SLC38A12: variants seen among roughly 807,000 people sequenced by gnomAD.
SLC38A12 encodes solute carrier family 38 member 12.
chr17:74,838,077 C>G, the SLC38A12 span: 1 of 985,896 alleles, frequency 1.0e-6, no homozygotes, highest in Non-Finnish European at 1.2e-6. Context: ...GTCTCAGGGT[C>G]AGGGGTGGGA....
At chr17:74,812,815 G>A in the SLC38A12 span, among the ~76,000 whole-genome samples, 1 of 152,086 alleles carries the variant, frequency 6.6e-6, no homozygotes, top group Non-Finnish European at 1.5e-5. Flanking sequence ...CCTTAACAGA[G>A]AAATCCCCAT....
chr17:74,816,849 G>T, the SLC38A12 span, among the ~76,000 whole-genome samples: 3 of 152,034 alleles, frequency 2.0e-5, no homozygotes, highest in African/African-American at 4.8e-5. Context: ...ATGTCATATG[G>T]GCTAGACTGG....
chr17:74,796,042 G>A, the SLC38A12 span, among the ~76,000 whole-genome samples: 2 of 152,138 alleles, frequency 1.3e-5, no homozygotes, highest in Non-Finnish European at 2.9e-5. Flanking sequence ...GCTGGGTCTG[G>A]CCGTAAGCAT....
At chr17:74,838,232 C>T in the SLC38A12 span, 7 of 985,704 alleles carry the variant, frequency 7.1e-6, no homozygotes, top group African/African-American at 7.0e-5. Context: ...CTTGTCCCCA[C>T]GTGTCACTTT....
At chr17:74,828,505 G>T in the SLC38A12 span, among the ~76,000 whole-genome samples, 1 of 152,204 alleles carries the variant, frequency 6.6e-6, no homozygotes, top group Admixed American at 6.5e-5. Flanking sequence ...TGTAGAAGGG[G>T]ATGAGCGGGC....
chr17:74,804,920 C>T, the SLC38A12 span, among the ~76,000 whole-genome samples: 1 of 152,204 alleles, frequency 6.6e-6, no homozygotes, highest in African/African-American at 2.4e-5. Flanking sequence ...GGTCCCTTTC[C>T]CCTGGATCAG....
At chr17:74,803,323 G>A in the SLC38A12 span, among the ~76,000 whole-genome samples, 2 of 152,170 alleles carry the variant, frequency 1.3e-5, no homozygotes, top group Non-Finnish European at 2.9e-5. Context: ...AGGGCTTGGG[G>A]TGGACATCAT....
chr17:74,782,490 A>G, the SLC38A12 span, among the ~76,000 whole-genome samples: 1 of 152,198 alleles, frequency 6.6e-6, no homozygotes, highest in Non-Finnish European at 1.5e-5. Flanking sequence ...GGTCTGTAGA[A>G]GGCTCTTGTT....
At chr17:74,814,841 A>G in the SLC38A12 span, among the ~76,000 whole-genome samples, 1 of 152,098 alleles carries the variant, frequency 6.6e-6, no homozygotes, top group African/African-American at 2.4e-5. Context: ...AGGGGGTTAC[A>G]CTCTGCTGGG....
chr17:74,822,397 G>T, the SLC38A12 span, among the ~76,000 whole-genome samples: 1 of 152,252 alleles, frequency 6.6e-6, no homozygotes, highest in Non-Finnish European at 1.5e-5. Context: ...GGGCCCTGCA[G>T]TGCTGCGGAG....
the SLC38A12 span, among the ~76,000 whole-genome samples, chr17:74,799,289 C>A: frequency 6.6e-6 from 1 of 152,250 alleles, no homozygotes; most frequent in African/African-American, 2.4e-5. Flanking sequence ...GCCCGGCAGG[C>A]CCCGGCCGAA....
At chr17:74,811,835 C>G in the SLC38A12 span, among the ~76,000 whole-genome samples, 28 of 152,016 alleles carry the variant, frequency 1.8e-4, no homozygotes, top group African/African-American at 6.5e-4. Context: ...AGTTTGAGAC[C>G]AGCCTGGACA....
chr17:74,789,088 T>C, the SLC38A12 span, among the ~76,000 whole-genome samples: 1 of 152,158 alleles, frequency 6.6e-6, no homozygotes, highest in South Asian at 2.1e-4. Flanking sequence ...CAGGCCCTCC[T>C]ACCCACACCC....
chr17:74,827,736 C>T, the SLC38A12 span, among the ~76,000 whole-genome samples: 10 of 152,354 alleles, frequency 6.6e-5, no homozygotes, highest in African/African-American at 2.4e-4. This position sits in a 1 kb window ranked among gnomAD's most constrained non-coding sequence, Gnocchi z 4.7. Flanking sequence ...CTCTAGGCTG[C>T]AGGATCCTTG....
At chr17:74,805,612 C>A in the SLC38A12 span, among the ~76,000 whole-genome samples, 1 of 152,236 alleles carries the variant, frequency 6.6e-6, no homozygotes, top group Non-Finnish European at 1.5e-5. This position sits in a 1 kb window ranked among gnomAD's most constrained non-coding sequence, Gnocchi z 5.0. Context: ...TCCCCTCCGT[C>A]CCGCCTCCAA....
At chr17:74,810,064 C>G in the SLC38A12 span, among the ~76,000 whole-genome samples, 1 of 152,200 alleles carries the variant, frequency 6.6e-6, no homozygotes, top group South Asian at 2.1e-4. Flanking sequence ...CTGGGACCTT[C>G]ACTTTTGGCT....
At chr17:74,836,017 G>A in the SLC38A12 span, 22 of 1,611,378 alleles carry the variant, frequency 1.4e-5, no homozygotes, top group Non-Finnish European at 1.8e-5. This position sits in a 1 kb window ranked among gnomAD's most constrained non-coding sequence, Gnocchi z 4.2. Context: ...TCGGGGGTCC[G>A]GAACCTGTTT....
the SLC38A12 span, among the ~76,000 whole-genome samples, chr17:74,806,627 A>G: frequency 6.6e-5 from 10 of 151,844 alleles, no homozygotes; most frequent in African/African-American, 2.4e-4. Context: ...CACAGTCCCT[A>G]TTTTCTTCCT....
At chr17:74,826,009 G>A in the SLC38A12 span, among the ~76,000 whole-genome samples, 2 of 152,328 alleles carry the variant, frequency 1.3e-5, no homozygotes, top group South Asian at 4.1e-4. Flanking sequence ...CTGCTGGAGA[G>A]GAAAGGGCTG....
Sources: allele counts gnomAD v4.1 joint callset (sites outside exome capture counted in the v4.1 genomes callset), GRCh38; gene constraint gnomAD v4.1.1; non-coding constraint Gnocchi (gnomAD v3.1); transcripts MANE v1.5; gene names NCBI Gene and HGNC (gene_info 2026-07-23, HGNC 2026-07-21).